The following TMEM132D variants were observed in gnomAD, a reference collection of about 807,000 sequenced individuals.
TMEM132D encodes transmembrane protein 132D.
A neutral mutation model predicts 62.3 loss-of-function variants in TMEM132D; 21 were observed. That is an observed-to-expected ratio of 0.34 (90% confidence interval 0.24 to 0.49). The LOEUF is 0.49. Among genes scored for constraint, TMEM132D ranks in the 20% least tolerant of loss-of-function variants. TMEM132D has a pLI of 0.99. For missense variants in TMEM132D, 1,346 were observed against 1,402.8 expected (o/e 0.96, Z 0.65); for synonymous variants, 621 against 575.6 (o/e 1.08, Z -1.13).
intron 3 of TMEM132D, among the ~76,000 whole-genome samples, chr12:129,358,729 C>A (rs1019883519): frequency 2.0e-5 from 3 of 152,142 alleles, no homozygotes; most frequent in African/African-American, 7.2e-5. Flanking sequence ...AGGCCAAGGA[C>A]AGTTTCTCAG....
chr12:129,084,590 A>G lies in TMEM132D; in HGVS notation c.1556T>C (p.Val519Ala). ...QHLSSPLEMTVWVPRLPLQIE... is the reference protein window; with the variant it reads ...QHLSSPLEMTAWVPRLPLQIE... ...CTGCAGCGGAAGCCGGGGCACCCAC[A>G]CCGTCATCTCCAGGGGGCTGCTCAG... Residue 519 changes from valine to alanine, a missense_variant, in exon 6 of 9, where the codon GTG becomes GCG. Coordinates refer to ENST00000422113, the MANE Select transcript of TMEM132D (RefSeq NM_133448.3). The G allele has an allele frequency of 6.2e-7, 1 of 1,614,080 alleles. No individual in the cohort carries two copies. The highest frequency in any genetic ancestry group is 8.5e-7 in the Non-Finnish European group (1 of 1,180,010).
intron 1 of TMEM132D, among the ~76,000 whole-genome samples, chr12:129,802,087 G>C (rs1234776600): frequency 2.0e-5 from 3 of 149,826 alleles, no homozygotes. Flanking sequence ...GTGATGGGGA[G>C]AATGGAACCA....
chr12:129,357,505 AAGG>A (rs1459231111), intron 3 of TMEM132D, among the ~76,000 whole-genome samples: 2 of 151,494 alleles, frequency 1.3e-5, no homozygotes, highest in African/African-American at 4.9e-5. Flanking sequence ...GGAACAAAGG[AAGG>A]AGAAAGAAAG....
At chr12:129,090,906 A>G (rs1874887072) in intron 5 of TMEM132D, among the ~76,000 whole-genome samples, 1 of 151,984 alleles carries the variant, frequency 6.6e-6, no homozygotes, top group Admixed American at 6.5e-5. Flanking sequence ...GACCAGCTTT[A>G]TTTATGGTCT....
chr12:129,216,997 TG>T (rs1416797613), intron 4 of TMEM132D, among the ~76,000 whole-genome samples: 5 of 152,068 alleles, frequency 3.3e-5, no homozygotes, highest in Admixed American at 3.3e-4. Context: ...AAACATTTTT[TG>T]TTGTTGTTGT....
intron 4 of TMEM132D, among the ~76,000 whole-genome samples, chr12:129,299,553 G>T (rs1323536931): frequency 1.3e-5 from 2 of 149,532 alleles, no homozygotes; most frequent in Admixed American, 6.7e-5. Context: ...AAAGCCCAGA[G>T]AATGTTTTGT....
intron 3 of TMEM132D, among the ~76,000 whole-genome samples, chr12:129,428,898 G>A (rs1160329895): frequency 6.6e-6 from 1 of 152,196 alleles, no homozygotes; most frequent in Non-Finnish European, 1.5e-5. Flanking sequence ...AGAAATCTTT[G>A]GAAACAGAAG....
chr12:129,670,545 C>T (rs575343688), intron 2 of TMEM132D, among the ~76,000 whole-genome samples: 78 of 152,222 alleles, frequency 5.1e-4, no homozygotes, highest in African/African-American at 1.7e-3. Context: ...GTGATTTCAT[C>T]CCTAAGCAAT....
At chr12:129,360,669 G>T (rs192853588) in intron 3 of TMEM132D, among the ~76,000 whole-genome samples, 43 of 152,262 alleles carry the variant, frequency 2.8e-4, no homozygotes, top group Admixed American at 7.2e-4. Flanking sequence ...TGCTGAGTGG[G>T]TTTGCAGCGG....
At chr12:129,246,688 C>T (rs1353638612) in intron 4 of TMEM132D, among the ~76,000 whole-genome samples, 1 of 151,798 alleles carries the variant, frequency 6.6e-6, no homozygotes, top group East Asian at 1.9e-4. Context: ...GTCTCTTGAA[C>T]TTGGGAGGCA....
chr12:129,206,697 T>C (rs1878857266), intron 5 of TMEM132D, among the ~76,000 whole-genome samples: 1 of 152,176 alleles, frequency 6.6e-6, no homozygotes, highest in South Asian at 2.1e-4. Flanking sequence ...GACATGAAAT[T>C]AACCTAAATG....
intron 3 of TMEM132D, among the ~76,000 whole-genome samples, chr12:129,423,717 T>G (rs927285768): frequency 6.6e-6 from 1 of 152,134 alleles, no homozygotes; most frequent in Non-Finnish European, 1.5e-5. Context: ...AGAAAATGCC[T>G]TCCTCAACAC....
At chr12:129,716,237 T>C (rs1410532337) in intron 1 of TMEM132D, among the ~76,000 whole-genome samples, 1 of 152,102 alleles carries the variant, frequency 6.6e-6, no homozygotes, top group Admixed American at 6.5e-5. Context: ...AGGAAAACAA[T>C]GCCGCCTGGG....
chr12:129,654,297 A>AGAGTGT lies in TMEM132D; in HGVS notation c.968+45512_968+45513insACACTC, dbSNP rs1555223866. On this transcript the variant is annotated intron_variant, in intron 2 of 8. Coordinates refer to ENST00000422113, the MANE Select transcript of TMEM132D (RefSeq NM_133448.3). ...ACTCTCTCGTGTGTGTGTGTGTGTG[A>AGAGTGT]GTGTGTGTGTGTGTGTGTGTGTTCT... Among the ~76,000 whole-genome samples the AGAGTGT allele has an allele frequency of 2.0e-3, 295 of 148,460 alleles. 2 individuals are homozygous for AGAGTGT. Among genetic ancestry groups the AGAGTGT allele is most frequent in the African/African-American group, 6.9e-3 (280 of 40,344 alleles).
chr12:129,550,062 T>C lies in TMEM132D; in HGVS notation c.969-18857A>G, dbSNP rs550467825. The stretch of plus-strand genomic sequence containing the variant: ...CAAACTAAAAGCTGGAATAAGAATA[T>C]GTGGATGTTTACCCAGCTCTGATTA... On this transcript the variant is annotated intron_variant, in intron 2 of 8. Coordinates refer to ENST00000422113, the MANE Select transcript of TMEM132D (RefSeq NM_133448.3). Among the ~76,000 whole-genome samples, 68 of 152,284 alleles carry C rather than the reference T, an allele frequency of 4.5e-4. 1 individual carries two copies. Among genetic ancestry groups the C allele is most frequent in the Middle Eastern group, 3.4e-3 (1 of 294 alleles).
chr12:129,539,407 T>TTC (rs1876521277), intron 2 of TMEM132D, among the ~76,000 whole-genome samples: 1 of 140,724 alleles, frequency 7.1e-6, no homozygotes, highest in East Asian at 2.0e-4. Flanking sequence ...AATTTTTTCT[T>TTC]TTTTTTTTTT....
chr12:129,878,475 C>T (rs1454558438), intron 1 of TMEM132D, among the ~76,000 whole-genome samples: 1 of 152,116 alleles, frequency 6.6e-6, no homozygotes, highest in Non-Finnish European at 1.5e-5. Flanking sequence ...CTGGGATGGA[C>T]CAATGACAGC....
intron 3 of TMEM132D, among the ~76,000 whole-genome samples, chr12:129,473,483 C>A (rs934606048): frequency 6.6e-6 from 1 of 151,762 alleles, no homozygotes; most frequent in Admixed American, 6.6e-5. Context: ...GCACTCACCA[C>A]CATGCCTGGC....
At chr12:129,490,962 C>T (rs1248043980) in intron 3 of TMEM132D, among the ~76,000 whole-genome samples, 1 of 152,074 alleles carries the variant, frequency 6.6e-6, no homozygotes, top group Non-Finnish European at 1.5e-5. Flanking sequence ...CTCTGTGACC[C>T]CTGCTGGTTC....
Sources: gnomAD v4.1 joint callset for allele counts (sites outside exome capture counted in the v4.1 genomes callset) on GRCh38, gnomAD v4.1.1 for gene constraint, MANE v1.5 for transcripts, NCBI Gene and HGNC (gene_info 2026-07-23, HGNC 2026-07-21) for gene names.